The following OR2L13 variants were observed in gnomAD, a reference collection of about 807,000 sequenced individuals.
OR2L13 encodes the protein olfactory receptor family 2 subfamily L member 13, also known as olfactory receptor 2L13.
A neutral mutation model predicts 15.3 loss-of-function variants in OR2L13; 14 were observed. The observed-to-expected ratio is 0.91, with a 90% CI of 0.60 to 1.43. The LOEUF is 1.43. OR2L13 is among the 40% of genes most tolerant of loss of function. The pLI is 0.00. For missense variants in OR2L13, 367 were observed against 387.9 expected (o/e 0.95, Z 0.45); for synonymous variants, 152 against 142.9 (o/e 1.06, Z -0.45).
At chr1:248,093,426 G>A (rs539027002), upstream of OR2L13, among the ~76,000 whole-genome samples, 2 of 152,280 alleles carry the variant, frequency 1.3e-5, no homozygotes, top group African/African-American at 4.8e-5. Context: ...CTGAGAATGA[G>A]TTTTACCTGG....
the OR2L13 span, among the ~76,000 whole-genome samples, chr1:248,037,065 G>T: frequency 6.6e-6 from 1 of 152,110 alleles, no homozygotes; most frequent in East Asian, 1.9e-4. Context: ...ATTAACTTGA[G>T]AATTCAGAAA....
the OR2L13 span, among the ~76,000 whole-genome samples, chr1:248,021,390 C>T: frequency 6.6e-6 from 1 of 152,158 alleles, no homozygotes; most frequent in Non-Finnish European, 1.5e-5. Flanking sequence ...AATTGGCTTA[C>T]TATTCTATAA....
chr1:248,028,288 CT>C, the OR2L13 span, among the ~76,000 whole-genome samples: 2 of 151,516 alleles, frequency 1.3e-5, no homozygotes, highest in Non-Finnish European at 1.5e-5. Context: ...GTGTTTTGGT[CT>C]GCTACCACTC....
At chr1:247,975,085 A>G in the OR2L13 span, 1 of 342,028 alleles carries the variant, frequency 2.9e-6, no homozygotes, top group Admixed American at 3.5e-5. Flanking sequence ...TGCCACTGAC[A>G]TCAATGGCCT....
At chr1:248,070,591 C>G in the OR2L13 span, among the ~76,000 whole-genome samples, 13,701 of 152,066 alleles carry the variant, frequency 0.09, 833 homozygotes, top group African/African-American at 0.17. Flanking sequence ...CAAACAGATT[C>G]AAACGCTAGC....
chr1:248,045,387 G>C, the OR2L13 span, among the ~76,000 whole-genome samples: 38 of 152,284 alleles, frequency 2.5e-4, no homozygotes, highest in African/African-American at 8.7e-4. Context: ...CGTATTTCAA[G>C]AGTAAGTTGC....
the OR2L13 span, chr1:248,039,328 G>T: frequency 9.2e-5 from 71 of 767,646 alleles, no homozygotes; most frequent in African/African-American, 1.3e-3. Context: ...GAAGAAATTT[G>T]TCTTTTAATT....
the OR2L13 span, among the ~76,000 whole-genome samples, chr1:248,069,382 T>TAG: frequency 1.3e-5 from 2 of 152,068 alleles, no homozygotes; most frequent in African/African-American, 4.8e-5. Flanking sequence ...CTAAGCTTCA[T>TAG]AAGTGAAGGA....
At chr1:248,051,094 T>C in the OR2L13 span, 1 of 152,226 alleles carries the variant, frequency 6.6e-6, no homozygotes, top group South Asian at 2.1e-4. Context: ...ATCACTACCA[T>C]GCACCTGTCT....
chr1:247,964,466 G>A, the OR2L13 span, among the ~76,000 whole-genome samples: 24 of 152,078 alleles, frequency 1.6e-4, no homozygotes, highest in African/African-American at 5.6e-4. Context: ...CACTCTATTG[G>A]AAGACTTTGG....
At chr1:248,095,648 C>G (rs1416157452), upstream of OR2L13, among the ~76,000 whole-genome samples, 1 of 28,822 alleles carries the variant, frequency 3.5e-5, no homozygotes, top group Admixed American at 6.5e-4. Context: ...ACTATGTCAC[C>G]CAGGCTGGAG....
the OR2L13 span, among the ~76,000 whole-genome samples, chr1:248,019,760 T>C: frequency 2.2e-3 from 320 of 145,524 alleles, 2 homozygotes; most frequent in African/African-American, 8.3e-3. Flanking sequence ...TTCTCCTTCT[T>C]CTTCTTCTTT....
the OR2L13 span, chr1:248,083,930 A>G: frequency 6.2e-7 from 1 of 1,611,722 alleles, no homozygotes. Context: ...TGTGCAGAAC[A>G]GCAGCGAGGA....
At chr1:247,970,415 ATGTAATAGTTT>A in the OR2L13 span, among the ~76,000 whole-genome samples, 9 of 152,132 alleles carry the variant, frequency 5.9e-5, no homozygotes, top group African/African-American at 2.2e-4. Flanking sequence ...CATGGCAACA[ATGTAATAGTTT>A]TGTAATAGTT....
chr1:248,050,355 C>A, the OR2L13 span, among the ~76,000 whole-genome samples: 1 of 151,860 alleles, frequency 6.6e-6, no homozygotes, highest in African/African-American at 2.4e-5. Context: ...AGTAAAAGGG[C>A]CAGAAATAAT....
the OR2L13 span, among the ~76,000 whole-genome samples, chr1:247,985,205 A>G: frequency 6.6e-6 from 1 of 151,896 alleles, no homozygotes; most frequent in Non-Finnish European, 1.5e-5. Context: ...GCACCCATCA[A>G]CTCATCATTT....
At chr1:248,039,088 C>T in the OR2L13 span, 1 of 1,614,096 alleles carries the variant, frequency 6.2e-7, no homozygotes, top group Non-Finnish European at 8.5e-7. Context: ...AAGATTCTGG[C>T]TGTTTTCTAC....
the OR2L13 span, among the ~76,000 whole-genome samples, chr1:248,009,027 C>T: frequency 2.0e-5 from 3 of 152,162 alleles, no homozygotes; most frequent in Admixed American, 2.0e-4. Flanking sequence ...CTCTGGGACA[C>T]AGCTAAAGCA....
chr1:247,970,882 G>T, the OR2L13 span, among the ~76,000 whole-genome samples: 1 of 152,254 alleles, frequency 6.6e-6, no homozygotes, highest in South Asian at 2.1e-4. Flanking sequence ...GCATGCAGGA[G>T]GAGACAGGTC....
Sources: allele counts gnomAD v4.1 joint callset (sites outside exome capture counted in the v4.1 genomes callset), GRCh38; gene constraint gnomAD v4.1.1; transcripts MANE v1.5; gene names NCBI Gene and HGNC (gene_info 2026-07-23, HGNC 2026-07-21).